The following LMO7 variants were observed in gnomAD, a reference collection of about 807,000 sequenced individuals.
LMO7 encodes the protein LIM domain only protein 7.
LMO7 carries 120 observed loss-of-function variants against 206.5 expected under a neutral mutation model. That is an observed-to-expected ratio of 0.58 (90% CI 0.50 to 0.68). The LOEUF is 0.68. Ranked by LOEUF, LMO7 falls within the 30% of genes least tolerant of loss-of-function variation. The probability of loss-of-function intolerance (pLI) is 0.00; values close to 1 mark genes in which losing one functional copy is unlikely to be tolerated. For missense variants in LMO7, 1,959 were observed against 1,957.9 expected, an observed-to-expected ratio of 1.00 and a Z score of -0.01; for synonymous variants, 706 against 681.5, an observed-to-expected ratio of 1.04 and a Z score of -0.56.
chr13:75,694,155 T>C (rs1181658961), intron 1 of LMO7, among the ~76,000 whole-genome samples: 1 of 152,186 alleles, frequency 6.6e-6, no homozygotes, highest in Non-Finnish European at 1.5e-5. Context: ...GATGAGCAGA[T>C]GATGATGCCA....
chr13:75,736,706 G>A lies in LMO7; in HGVS notation c.210+9608G>A, dbSNP rs930790338. ...GCCACAGAGCATTACAGTGGACTGT[G>A]ACATTTGCTGCATGTCCATGAGCAG... On this transcript the variant is annotated intron_variant, in intron 3 of 30. Transcript: ENST00000377534. 3.3e-5 allele frequency among the ~76,000 whole-genome samples: 5 copies of A among 152,312 alleles called. No individual in the cohort carries two copies. The South Asian group carries it at 1.0e-3, about 32-fold the overall frequency.
intron 26 of LMO7, among the ~76,000 whole-genome samples, chr13:75,847,920 C>T (rs997788522): frequency 1.3e-5 from 2 of 152,118 alleles, no homozygotes; most frequent in African/African-American, 2.4e-5. Context: ...TGCACAATGC[C>T]ACATTTTAAG....
At chr13:75,765,540 C>G (rs2048752429) in intron 4 of LMO7, among the ~76,000 whole-genome samples, 1 of 151,968 alleles carries the variant, frequency 6.6e-6, no homozygotes. Flanking sequence ...GTATATGTCT[C>G]TATCCCATTC....
chr13:75,783,351 C>G (rs901400471), intron 4 of LMO7, among the ~76,000 whole-genome samples: 1 of 152,054 alleles, frequency 6.6e-6, no homozygotes, highest in East Asian at 1.9e-4. Flanking sequence ...CACAGAGTCT[C>G]GCTCTGTTGC....
At chr13:75,703,378 A>G (rs1313950716) in intron 1 of LMO7, among the ~76,000 whole-genome samples, 2 of 152,154 alleles carry the variant, frequency 1.3e-5, no homozygotes, top group Admixed American at 6.5e-5. Context: ...ATAGGAGGTA[A>G]GTCACTAATT....
At chr13:75,802,935 G>A (rs894246934) in intron 7 of LMO7, among the ~76,000 whole-genome samples, 1 of 152,086 alleles carries the variant, frequency 6.6e-6, no homozygotes, top group Non-Finnish European at 1.5e-5. Flanking sequence ...TACTTTGGGG[G>A]AAAAAATTCT....
intron 1 of LMO7, among the ~76,000 whole-genome samples, chr13:75,651,309 C>CTTT (rs33997803): frequency 7.4e-6 from 1 of 135,450 alleles, no homozygotes; most frequent in African/African-American, 2.7e-5. Flanking sequence ...GTGTGGTTTC[C>CTTT]TTTTTTTTTT....
intron 3 of LMO7, among the ~76,000 whole-genome samples, chr13:75,757,246 T>G (rs1360859279): frequency 6.6e-6 from 1 of 152,136 alleles, no homozygotes; most frequent in African/African-American, 2.4e-5. Context: ...TCCTCCAAGC[T>G]CCAGGAAAGC....
At chr13:75,843,420 C>G (rs2059709562) in intron 25 of LMO7, among the ~76,000 whole-genome samples, 1 of 152,156 alleles carries the variant, frequency 6.6e-6, no homozygotes, top group Admixed American at 6.5e-5. Flanking sequence ...AACACTGCCT[C>G]TTTATGGTAG....
chr13:75,660,220 C>A (rs536101185), intron 1 of LMO7, among the ~76,000 whole-genome samples: 2 of 152,332 alleles, frequency 1.3e-5, no homozygotes, highest in African/African-American at 4.8e-5. Context: ...GTGAGACTTA[C>A]TTGCATTTTA....
intron 1 of LMO7, among the ~76,000 whole-genome samples, chr13:75,654,702 C>T (rs868235798): frequency 6.6e-6 from 1 of 152,196 alleles, no homozygotes; most frequent in African/African-American, 2.4e-5. Context: ...ATTTTCCTTA[C>T]TTAACATTAT....
chr13:75,633,209 A>G (rs1335111489), upstream of LMO7, among the ~76,000 whole-genome samples: 2 of 151,958 alleles, frequency 1.3e-5, no homozygotes, highest in Non-Finnish European at 2.9e-5. Context: ...ATATCTTTCC[A>G]TTTTCTTTCA....
At chr13:75,823,502 A>C in intron 14 of LMO7, 63 bp from the exon 15 acceptor site, 1 of 1,250,504 alleles carries the variant, frequency 8.0e-7, no homozygotes, top group Non-Finnish European at 1.1e-6. Context: ...TTAATAAACA[A>C]CTTTTAAAAA....
At chr13:75,762,881 T>C (rs2139755078) in intron 4 of LMO7, among the ~76,000 whole-genome samples, 1 of 152,268 alleles carries the variant, frequency 6.6e-6, no homozygotes. Flanking sequence ...GTGGAAGCAC[T>C]GGAGCCTCCC....
intron 4 of LMO7, among the ~76,000 whole-genome samples, chr13:75,772,761 T>G (rs2049927661): frequency 1.3e-5 from 2 of 152,074 alleles, no homozygotes; most frequent in African/African-American, 2.4e-5. Context: ...ATGGGGGAGT[T>G]TGTAATTTTT....
intron 2 of LMO7, among the ~76,000 whole-genome samples, chr13:75,626,594 A>ATATATATATACATAC (rs2034168803): frequency 1.6e-5 from 1 of 62,518 alleles, no homozygotes; most frequent in African/African-American, 4.9e-5. Context: ...TATATATATA[A>ATATATATATACATAC]ATTTTTTTGA....
In LMO7 at chr13:75,657,876, T is replaced by A. The variant is rs74714962; in HGVS notation, c.69+21150T>A. On this transcript the variant is annotated intron_variant, in intron 1 of 30. Coordinates refer to ENST00000377534, the MANE Select transcript of LMO7 (RefSeq NM_001306080.2). ...CTTGAACAGATTCTTTGCTTTGATGTCACAGTCAGGCATTCTTGTTTTATG... is the reference window on the plus strand; with the variant it reads ...CTTGAACAGATTCTTTGCTTTGATGACACAGTCAGGCATTCTTGTTTTATG... Among the ~76,000 whole-genome samples the A allele has an allele frequency of 3.1e-4, 47 of 152,354 alleles. 1 individual carries two copies. The East Asian group carries it at 8.1e-3, about 26-fold the overall frequency.
chr13:75,779,155 G>T (rs1190661223), intron 4 of LMO7, among the ~76,000 whole-genome samples: 2 of 152,106 alleles, frequency 1.3e-5, no homozygotes, highest in Admixed American at 1.3e-4. Flanking sequence ...GTACAACCAG[G>T]ACAGAGCATG....
intron 24 of LMO7, 48 bp downstream of exon 24, chr13:75,842,031 C>T: frequency 7.0e-7 from 1 of 1,435,358 alleles, no homozygotes; most frequent in Non-Finnish European, 9.5e-7. Flanking sequence ...GTATCCATTC[C>T]CCACTTCAAA....
Sources: allele counts gnomAD v4.1 joint callset (sites outside exome capture counted in the v4.1 genomes callset), GRCh38; gene constraint gnomAD v4.1.1; transcripts MANE v1.5; gene names NCBI Gene and HGNC (gene_info 2026-07-23, HGNC 2026-07-21).